The following RBFOX1 variants were observed in gnomAD, a reference collection of about 807,000 sequenced individuals.
RBFOX1 encodes RNA binding fox-1 homolog 1.
RBFOX1 carries 8 observed loss-of-function variants against 57.7 expected under a neutral mutation model. That is an observed-to-expected ratio of 0.14 (90% CI 0.08 to 0.25). The LOEUF (loss-of-function observed/expected upper bound fraction) is 0.25. Ranked by LOEUF, RBFOX1 falls within the 10% of genes least tolerant of loss-of-function variation. The pLI is 1.00. For synonymous variants in RBFOX1, 326 were observed against 222.4 expected (o/e 1.47, Z -4.15); for missense variants, 611 against 548.5 (o/e 1.11, Z -1.14).
At chr16:5,644,976 G>A (rs2048999071) in intron 3 of RBFOX1, among the ~76,000 whole-genome samples, 1 of 151,784 alleles carries the variant, frequency 6.6e-6, no homozygotes, top group Non-Finnish European at 1.5e-5. Context: ...GCTGGGGATG[G>A]TGTAATCCCA....
chr16:5,728,020 G>A (rs565448967), intron 3 of RBFOX1, among the ~76,000 whole-genome samples: 7 of 152,144 alleles, frequency 4.6e-5, no homozygotes, highest in African/African-American at 1.7e-4. Context: ...CACTTCTTTA[G>A]ATTCTAAATA....
intron 3 of RBFOX1, among the ~76,000 whole-genome samples, chr16:6,813,644 G>C (rs1401706647): frequency 6.6e-6 from 1 of 152,134 alleles, no homozygotes; most frequent in Admixed American, 6.5e-5. Flanking sequence ...GTAGGGGGTG[G>C]ATGCAATTCC....
chr16:6,520,911 C>T (rs1277604677), intron 2 of RBFOX1, among the ~76,000 whole-genome samples: 2 of 152,098 alleles, frequency 1.3e-5, no homozygotes, highest in Non-Finnish European at 1.5e-5. Flanking sequence ...AATAAAATTT[C>T]TGTGAATAAC....
chr16:5,301,618 C>CAAAAAAAAAAAAAAAAA (rs60501583), intron 1 of RBFOX1, among the ~76,000 whole-genome samples: 1 of 87,044 alleles, frequency 1.1e-5, no homozygotes, highest in African/African-American at 4.6e-5. Flanking sequence ...GTCTCCATCT[C>CAAAAAAAAAAAAAAAAA]AAAAAAAAAA....
chr16:7,397,842 T>C (rs569193574), intron 4 of RBFOX1, among the ~76,000 whole-genome samples: 1 of 152,354 alleles, frequency 6.6e-6, no homozygotes, highest in East Asian at 1.9e-4. Flanking sequence ...TGTGGAACTC[T>C]GAATAAACCT....
intron 1 of RBFOX1, among the ~76,000 whole-genome samples, chr16:6,064,750 C>G (rs2095737653): frequency 6.6e-6 from 1 of 151,866 alleles, no homozygotes; most frequent in Non-Finnish European, 1.5e-5. Flanking sequence ...CCATATTAGC[C>G]AGGATGTATA....
At chr16:7,332,926 G>T (rs777166904) in intron 4 of RBFOX1, 2 of 1,604,220 alleles carry the variant, frequency 1.2e-6, no homozygotes, top group Admixed American at 1.7e-5. Flanking sequence ...TTCGGAAGAA[G>T]TTGGGTCTAT....
intron 4 of RBFOX1, among the ~76,000 whole-genome samples, chr16:7,204,537 G>A (rs558587740): frequency 2.0e-5 from 3 of 152,058 alleles, no homozygotes; most frequent in African/African-American, 7.2e-5. Context: ...TCCCAGTTAC[G>A]CAGGAAGCTG....
chr16:5,863,570 T>C (rs1010878710), intron 3 of RBFOX1, among the ~76,000 whole-genome samples: 3 of 152,198 alleles, frequency 2.0e-5, no homozygotes, highest in African/African-American at 7.2e-5. Context: ...CATTCATGAA[T>C]ACTACCTGCC....
intron 2 of RBFOX1, among the ~76,000 whole-genome samples, chr16:6,607,541 T>C (rs937658948): frequency 4.0e-5 from 6 of 148,900 alleles, no homozygotes; most frequent in South Asian, 4.3e-4. Context: ...TCTCCCTCTT[T>C]CTTCCTCCTC....
At chr16:5,472,280 G>A (rs2069164117) in intron 2 of RBFOX1, among the ~76,000 whole-genome samples, 1 of 152,084 alleles carries the variant, frequency 6.6e-6, no homozygotes, top group Non-Finnish European at 1.5e-5. Context: ...GGAGGGCCTG[G>A]CATTGCTTGT....
chr16:6,563,093 A>C (rs2097206174), intron 2 of RBFOX1, among the ~76,000 whole-genome samples: 1 of 151,866 alleles, frequency 6.6e-6, no homozygotes, highest in Non-Finnish European at 1.5e-5. Context: ...ACTTCTTCCA[A>C]GTGCTGTTTC....
At chr16:6,656,831 T>C (rs17140845) in intron 3 of RBFOX1, among the ~76,000 whole-genome samples, 2,320 of 152,060 alleles carry the variant, frequency 0.015, 65 homozygotes, top group African/African-American at 0.052. Context: ...AGTGTCTTAC[T>C]CTCTAAGGAC....
At chr16:6,696,738 A>G (rs1032365431) in intron 3 of RBFOX1, among the ~76,000 whole-genome samples, 6 of 152,056 alleles carry the variant, frequency 3.9e-5, no homozygotes, top group African/African-American at 7.2e-5. Flanking sequence ...AACTTACAAA[A>G]CCTTTCGAAA....
At chr16:5,318,074 G>C (rs2064291739) in intron 1 of RBFOX1, among the ~76,000 whole-genome samples, 1 of 152,098 alleles carries the variant, frequency 6.6e-6, no homozygotes, top group Non-Finnish European at 1.5e-5. Context: ...CTGTAGGTTT[G>C]AGTTAAAGTG....
intron 4 of RBFOX1, among the ~76,000 whole-genome samples, chr16:5,965,654 T>C (rs1011598169): frequency 2.6e-5 from 4 of 152,174 alleles, no homozygotes; most frequent in Non-Finnish European, 5.9e-5. Flanking sequence ...AAAAGCAGTA[T>C]CGTGGTTGAT....
At chr16:6,085,597 G>T (rs1385545440) in intron 1 of RBFOX1, among the ~76,000 whole-genome samples, 1 of 152,060 alleles carries the variant, frequency 6.6e-6, no homozygotes, top group Non-Finnish European at 1.5e-5. Context: ...GGATACCCTT[G>T]GTTCTATGCC....
intron 3 of RBFOX1, among the ~76,000 whole-genome samples, chr16:6,868,459 T>G (rs2060309096): frequency 6.6e-6 from 1 of 150,420 alleles, no homozygotes; most frequent in Non-Finnish European, 1.5e-5. Context: ...TTCAAGCCAG[T>G]GTTTCATATT....
intron 3 of RBFOX1, among the ~76,000 whole-genome samples, chr16:5,672,176 G>A (rs1044024551): frequency 1.2e-4 from 18 of 152,166 alleles, no homozygotes; most frequent in South Asian, 6.2e-4. Flanking sequence ...AGGGATGGAA[G>A]GATTCCATCC....
Sources: allele counts gnomAD v4.1 joint callset (sites outside exome capture counted in the v4.1 genomes callset), GRCh38; gene constraint gnomAD v4.1.1; transcripts MANE v1.5; gene names NCBI Gene and HGNC (gene_info 2026-07-23, HGNC 2026-07-21).